Variants in DCC observed in about 807,000 individuals in gnomAD.
DCC encodes the protein netrin receptor DCC.
DCC carries 58 observed loss-of-function variants against 172.5 expected under a neutral mutation model. The observed-to-expected ratio is 0.34, with a 90% CI of 0.27 to 0.42. The LOEUF is 0.42. Ranked by LOEUF, DCC falls within the 10% of genes least tolerant of loss-of-function variation. The pLI is 1.00. For synonymous variants in DCC, 709 were observed against 644.5 expected, an observed-to-expected ratio of 1.10 and a Z score of -1.52; for missense variants, 1,740 against 1,791.0, an observed-to-expected ratio of 0.97 and a Z score of 0.51.
At chr18:52,843,986 C>T (rs145700486) in intron 2 of DCC, among the ~76,000 whole-genome samples, 1 of 152,116 alleles carries the variant, frequency 6.6e-6, no homozygotes, top group African/African-American at 2.4e-5. Context: ...TGATAAACAT[C>T]GCTTTTTTGA....
intron 16 of DCC, among the ~76,000 whole-genome samples, chr18:53,389,209 A>AT (rs1056969495): frequency 1.2e-4 from 19 of 152,148 alleles, no homozygotes; most frequent in African/African-American, 4.3e-4. Context: ...CTTTTACTAA[A>AT]TTTTTTTTCA....
At chr18:53,337,860 G>A (rs1599037796) in intron 14 of DCC, among the ~76,000 whole-genome samples, 1 of 152,056 alleles carries the variant, frequency 6.6e-6, no homozygotes, top group South Asian at 2.1e-4. Flanking sequence ...GGAGAAAAAT[G>A]TAATATTACC....
chr18:53,354,625 G>C (rs1262226892), intron 15 of DCC, among the ~76,000 whole-genome samples: 1 of 151,776 alleles, frequency 6.6e-6, no homozygotes, highest in Non-Finnish European at 1.5e-5. Flanking sequence ...TTTTTTTCTT[G>C]TAAATTTAAG....
chr18:52,959,417 C>G (rs1272712901), intron 5 of DCC, among the ~76,000 whole-genome samples: 2 of 152,018 alleles, frequency 1.3e-5, no homozygotes. Flanking sequence ...AGTTATTGAA[C>G]CCTCTAAACG....
chr18:52,665,358 G>T (rs1476458180), intron 1 of DCC, among the ~76,000 whole-genome samples: 1 of 152,196 alleles, frequency 6.6e-6, no homozygotes, highest in Non-Finnish European at 1.5e-5. Flanking sequence ...AATGCTATTT[G>T]TTGATGAAAC....
chr18:52,717,413 A>T (rs1458109947), intron 1 of DCC, among the ~76,000 whole-genome samples: 2 of 147,932 alleles, frequency 1.4e-5, no homozygotes, highest in Non-Finnish European at 3.0e-5. Flanking sequence ...TTCTAAATTA[A>T]GAGAATTTCT....
intron 1 of DCC, 72 bp from the exon 2 acceptor site, chr18:52,751,977 TAAAGA>T (rs2037001563): frequency 7.9e-7 from 1 of 1,268,358 alleles, no homozygotes; most frequent in East Asian, 2.4e-5. Flanking sequence ...AAAAGCTTTG[TAAAGA>T]AAAGACAGGG....
In DCC at chr18:53,148,865, C is replaced by CTTTTTTTTTTTTTTTTTTTTTTTTTT. The variant is rs5824990; in HGVS notation, c.1262-8474_1262-8473insTTTTTTTTTTTTTTTTTTTTTTTTTT. 9.7e-4 allele frequency among the ~76,000 whole-genome samples: 106 copies of CTTTTTTTTTTTTTTTTTTTTTTTTTT among 109,774 alleles called. 6 individuals are homozygous for CTTTTTTTTTTTTTTTTTTTTTTTTTT. The highest frequency in any genetic ancestry group is 1.2e-3 in the Non-Finnish European group (67 of 55,314). 72.0% of individuals were successfully genotyped at this position (109,774 alleles called of 152,430 possible). A position where few individuals can be genotyped will look rare whatever the true frequency, so the allele number is the denominator to read the frequency against. On this transcript the variant is annotated intron_variant, in intron 7 of 28. Coordinates refer to ENST00000442544, the MANE Select transcript of DCC (RefSeq NM_005215.4). Reference sequence around the variant, plus strand: ...AAACTAGCTCAGAACTTCCCAATGCCTTTTTTTTTTTTTTTTTGGACAAAG... The same window carrying CTTTTTTTTTTTTTTTTTTTTTTTTTT: ...AAACTAGCTCAGAACTTCCCAATGCCTTTTTTTTTTTTTTTTTTTTTTTTTTTTTTTTTTTTTTTTTTTGGACAAAG...
At chr18:53,453,156 C>T (rs1396465875) in intron 23 of DCC, among the ~76,000 whole-genome samples, 2 of 152,100 alleles carry the variant, frequency 1.3e-5, no homozygotes, top group African/African-American at 4.8e-5. Flanking sequence ...ACTTCATGAT[C>T]TGCCCGCCTC....
intron 1 of DCC, among the ~76,000 whole-genome samples, chr18:52,573,141 C>G (rs1178094577): frequency 6.6e-6 from 1 of 151,972 alleles, no homozygotes; most frequent in Non-Finnish European, 1.5e-5. Flanking sequence ...ATGGCTTATT[C>G]TCTTAGTTAT....
At chr18:52,600,001 G>A (rs2033985971) in intron 1 of DCC, among the ~76,000 whole-genome samples, 1 of 152,028 alleles carries the variant, frequency 6.6e-6, no homozygotes, top group Non-Finnish European at 1.5e-5. Flanking sequence ...TTTATGTAAT[G>A]GATAACAGTC....
At chr18:53,515,321 G>A (rs1479048202) in intron 27 of DCC, among the ~76,000 whole-genome samples, 1 of 149,972 alleles carries the variant, frequency 6.7e-6, no homozygotes, top group Non-Finnish European at 1.5e-5. Context: ...AGCTATCTAT[G>A]AGAAACCCAC....
At chr18:52,617,461 T>C (rs1044594365) in intron 1 of DCC, among the ~76,000 whole-genome samples, 3 of 152,152 alleles carry the variant, frequency 2.0e-5, no homozygotes, top group Non-Finnish European at 4.4e-5. Flanking sequence ...CTGAATCGCA[T>C]TGAGAATCCA....
rs188183913 is a variant in DCC at position 52,387,166 on chromosome 18, C to G, written c.91+46288C>G. 2.7e-4 allele frequency among the ~76,000 whole-genome samples: 41 copies of G among 152,240 alleles called. 1 individual carries two copies. The highest frequency in any genetic ancestry group is 9.4e-4 in the African/African-American group (39 of 41,538). ...TTCTTAAATGGCAACAACTATTGATCATGTTCTTTGCTTCCTGTCTAATGT... is the reference window on the plus strand; with the variant it reads ...TTCTTAAATGGCAACAACTATTGATGATGTTCTTTGCTTCCTGTCTAATGT... On this transcript the variant is annotated intron_variant, in intron 1 of 28. Coordinates refer to ENST00000442544, the MANE Select transcript of DCC (RefSeq NM_005215.4).
At chr18:53,258,300 T>A (rs1164881633) in intron 12 of DCC, among the ~76,000 whole-genome samples, 1 of 152,314 alleles carries the variant, frequency 6.6e-6, no homozygotes, top group African/African-American at 2.4e-5. Context: ...TTAATTGTGA[T>A]GTTAGGGTGT....
intron 5 of DCC, among the ~76,000 whole-genome samples, chr18:52,937,667 T>C (rs901993897): frequency 6.6e-6 from 1 of 152,050 alleles, no homozygotes; most frequent in Non-Finnish European, 1.5e-5. Flanking sequence ...AAAAATTTTT[T>C]TGTAGAGTTG....
chr18:52,600,069 T>G (rs750179996), intron 1 of DCC, among the ~76,000 whole-genome samples: 3 of 152,230 alleles, frequency 2.0e-5, no homozygotes, highest in Non-Finnish European at 4.4e-5. Flanking sequence ...TATGAAATCC[T>G]TTTCTTTCAA....
At chr18:53,324,737 A>T (rs2043145) in intron 14 of DCC, among the ~76,000 whole-genome samples, 2 of 152,006 alleles carry the variant, frequency 1.3e-5, no homozygotes, top group Non-Finnish European at 2.9e-5. Context: ...AAGAGTGGTC[A>T]CAATAAACTA....
intron 5 of DCC, among the ~76,000 whole-genome samples, chr18:52,975,728 T>A (rs1458297305): frequency 1.3e-5 from 2 of 152,250 alleles, no homozygotes; most frequent in Admixed American, 6.5e-5. Flanking sequence ...GTGGTATATA[T>A]GTACCACATG....
Sources: gnomAD v4.1 joint callset for allele counts (sites outside exome capture counted in the v4.1 genomes callset) on GRCh38, gnomAD v4.1.1 for gene constraint, MANE v1.5 for transcripts, NCBI Gene and HGNC (gene_info 2026-07-23, HGNC 2026-07-21) for gene names.